The following CCDC178 variants were observed in gnomAD, a reference collection of about 807,000 sequenced individuals.
CCDC178 encodes the protein coiled-coil domain-containing protein 178.
A neutral mutation model predicts 117.4 loss-of-function variants in CCDC178; 126 were observed. The ratio of observed to expected loss-of-function variants is 1.07; its 90% CI spans 0.93 to 1.24. The LOEUF is 1.24. Among genes scored for constraint, CCDC178 ranks in the 50% most tolerant of loss-of-function variants. The pLI, the probability that CCDC178 is intolerant of heterozygous loss-of-function variation, is 0.00. For missense variants in CCDC178, 1,030 were observed against 986.9 expected, an observed-to-expected ratio of 1.04 and a Z score of -0.59; for synonymous variants, 283 against 313.4, an observed-to-expected ratio of 0.90 and a Z score of 1.02.
intron 14 of CCDC178, among the ~76,000 whole-genome samples, chr18:33,263,911 T>TA (rs56982183): frequency 0.068 from 10,222 of 149,642 alleles, 491 homozygotes; most frequent in African/African-American, 0.14. Context: ...TACACATGGT[T>TA]AAAAAAAAAA....
intron 22 of CCDC178, among the ~76,000 whole-genome samples, chr18:32,965,854 A>G (rs963225592): frequency 2.0e-5 from 3 of 150,544 alleles, no homozygotes; most frequent in Non-Finnish European, 3.0e-5. Flanking sequence ...ATTTTTTCAT[A>G]TATCATTTAT....
intron 12 of CCDC178, among the ~76,000 whole-genome samples, chr18:33,270,969 TAAAG>T (rs2059881211): frequency 1.3e-5 from 2 of 151,428 alleles, no homozygotes; most frequent in Admixed American, 1.3e-4. Flanking sequence ...GACAAATAAA[TAAAG>T]GAAGAAAGAA....
At chr18:33,220,564 A>C (rs558826829) in intron 18 of CCDC178, among the ~76,000 whole-genome samples, 6 of 152,174 alleles carry the variant, frequency 3.9e-5, no homozygotes, top group Admixed American at 6.6e-5. Flanking sequence ...GATTCTTGCT[A>C]CTTGGGAATT....
At chr18:33,369,983 A>T in intron 6 of CCDC178, 67 bp downstream of exon 6, 1 of 1,330,888 alleles carries the variant, frequency 7.5e-7, no homozygotes, top group Non-Finnish European at 1.0e-6. Flanking sequence ...TGGGTTCTTT[A>T]AATAACCAAT....
At chr18:33,371,780 T>TACACAC (rs1165317447) in intron 5 of CCDC178, among the ~76,000 whole-genome samples, 6 of 68,132 alleles carry the variant, frequency 8.8e-5, no homozygotes, top group African/African-American at 1.8e-4. Flanking sequence ...TTCATAAACA[T>TACACAC]ATATACACAC....
intron 20 of CCDC178, among the ~76,000 whole-genome samples, chr18:33,108,651 T>C (rs2057739255): frequency 6.6e-6 from 1 of 151,682 alleles, no homozygotes; most frequent in Non-Finnish European, 1.5e-5. Context: ...AGTAAGAATA[T>C]TTTGACACTC....
chr18:32,997,383 C>A (rs2055535060), intron 21 of CCDC178, among the ~76,000 whole-genome samples: 1 of 152,106 alleles, frequency 6.6e-6, no homozygotes, highest in African/African-American at 2.4e-5. Flanking sequence ...CAATTGAATG[C>A]CTTAAGATGA....
At chr18:33,283,580 C>A (rs2060051293) in intron 12 of CCDC178, among the ~76,000 whole-genome samples, 1 of 151,986 alleles carries the variant, frequency 6.6e-6, no homozygotes, top group Admixed American at 6.6e-5. Context: ...AACCAAGTAA[C>A]CCCATTAAAA....
intron 20 of CCDC178, among the ~76,000 whole-genome samples, chr18:33,095,412 C>G (rs1282288632): frequency 6.6e-6 from 1 of 151,692 alleles, no homozygotes; most frequent in Non-Finnish European, 1.5e-5. Context: ...TTCTTTAAGC[C>G]TTGATACTTC....
chr18:33,366,237 G>T (rs1036198163), intron 6 of CCDC178, among the ~76,000 whole-genome samples: 3 of 152,034 alleles, frequency 2.0e-5, no homozygotes, highest in Non-Finnish European at 4.4e-5. Flanking sequence ...GGCTGAGGAG[G>T]GAGGATTGTT....
intron 11 of CCDC178, among the ~76,000 whole-genome samples, chr18:33,312,604 G>C (rs933148512): frequency 6.6e-6 from 1 of 152,144 alleles, no homozygotes; most frequent in African/African-American, 2.4e-5. Context: ...CAAGCAGCTG[G>C]ACTCAGTTGC....
At chr18:33,121,565 A>G (rs1277225662) in intron 20 of CCDC178, among the ~76,000 whole-genome samples, 1 of 152,152 alleles carries the variant, frequency 6.6e-6, no homozygotes, top group Non-Finnish European at 1.5e-5. Context: ...TAGAGGGGCT[A>G]TCTTGGAATT....
chr18:33,280,564 A>T (rs1399091178), intron 12 of CCDC178, among the ~76,000 whole-genome samples: 1 of 151,670 alleles, frequency 6.6e-6, no homozygotes, highest in African/African-American at 2.4e-5. Context: ...AGGAATCTAG[A>T]ATTAGAAATA....
chr18:33,373,957 G>C (rs1476443340), intron 5 of CCDC178, among the ~76,000 whole-genome samples: 4 of 152,066 alleles, frequency 2.6e-5, no homozygotes, highest in Non-Finnish European at 5.9e-5. Context: ...TGAGACAACT[G>C]ATTTTGGACT....
chr18:33,271,013 T>A (rs189886252), intron 12 of CCDC178, among the ~76,000 whole-genome samples: 1 of 151,536 alleles, frequency 6.6e-6, no homozygotes, highest in Non-Finnish European at 1.5e-5. Context: ...ATGTGTATAC[T>A]ATTGAAATTG....
chr18:32,950,489 T>C (rs1409487750), intron 22 of CCDC178, among the ~76,000 whole-genome samples: 1 of 152,192 alleles, frequency 6.6e-6, no homozygotes, highest in African/African-American at 2.4e-5. Context: ...GGCAGGTAAA[T>C]ATGACTCTAG....
intron 10 of CCDC178, among the ~76,000 whole-genome samples, chr18:33,326,017 A>G (rs1343701159): frequency 6.6e-6 from 1 of 152,168 alleles, no homozygotes; most frequent in Non-Finnish European, 1.5e-5. Context: ...CCTATTTTAA[A>G]AGATTCTCCT....
intron 20 of CCDC178, among the ~76,000 whole-genome samples, chr18:33,165,121 T>C (rs1021493547): frequency 3.9e-5 from 6 of 152,154 alleles, no homozygotes; most frequent in Admixed American, 2.0e-4. Context: ...ACACTTGTGG[T>C]TTGAATCTGC....
At chr18:33,246,566 T>C (rs1272221714) in intron 14 of CCDC178, among the ~76,000 whole-genome samples, 1 of 151,404 alleles carries the variant, frequency 6.6e-6, no homozygotes, top group East Asian at 2.0e-4. Context: ...AGAATAAACA[T>C]ACATTCAAGG....
Sources: allele counts gnomAD v4.1 joint callset (sites outside exome capture counted in the v4.1 genomes callset), GRCh38; gene constraint gnomAD v4.1.1; transcripts MANE v1.5; gene names NCBI Gene and HGNC (gene_info 2026-07-23, HGNC 2026-07-21).